Variants in VDAC1 observed in about 807,000 individuals in gnomAD.
VDAC1 encodes non-selective voltage-gated ion channel VDAC1.
A neutral mutation model predicts 34.7 loss-of-function variants in VDAC1; 10 were observed. The ratio of observed to expected loss-of-function variants is 0.29; its 90% CI spans 0.18 to 0.49. VDAC1 has a LOEUF of 0.49. VDAC1 is among the 20% of genes least tolerant of loss of function. The pLI, the probability that VDAC1 is intolerant of heterozygous loss-of-function variation, is 0.99. For synonymous variants in VDAC1, 130 were observed against 136.0 expected (o/e 0.96, Z 0.30); for missense variants, 230 against 347.9 (o/e 0.66, Z 2.69).
At chr5:134,098,707 GC>G in the VDAC1 span, among the ~76,000 whole-genome samples, 1 of 152,220 alleles carries the variant, frequency 6.6e-6, no homozygotes, top group East Asian at 1.9e-4. Context: ...TTTCCTTGGG[GC>G]TGTCTGCAGC....
the VDAC1 span, among the ~76,000 whole-genome samples, chr5:134,109,369 C>T: frequency 6.6e-6 from 1 of 152,180 alleles, no homozygotes. Flanking sequence ...GTGACCCCCA[C>T]ATGAACACCA....
chr5:134,104,099 C>T, the VDAC1 span, among the ~76,000 whole-genome samples: 9 of 152,302 alleles, frequency 5.9e-5, no homozygotes, highest in Middle Eastern at 0.01. Flanking sequence ...TCACTAGGGC[C>T]CAGCCTGCTG....
chr5:134,042,524 C>G, the VDAC1 span, among the ~76,000 whole-genome samples: 3 of 152,044 alleles, frequency 2.0e-5, no homozygotes, highest in African/African-American at 7.2e-5. Context: ...GAGTCTTGCT[C>G]TGTCTCTTAG....
At chr5:134,087,153 G>A in the VDAC1 span, among the ~76,000 whole-genome samples, 1 of 152,220 alleles carries the variant, frequency 6.6e-6, no homozygotes, top group Non-Finnish European at 1.5e-5. Flanking sequence ...CGGTTTCAGA[G>A]GGCGCACACC....
At chr5:134,021,880 T>C in the VDAC1 span, among the ~76,000 whole-genome samples, 2 of 150,692 alleles carry the variant, frequency 1.3e-5, no homozygotes, top group Non-Finnish European at 3.0e-5. Context: ...CCTGTGATTT[T>C]TTTTTTTTTT....
chr5:134,108,959 G>C, the VDAC1 span, among the ~76,000 whole-genome samples: 146 of 152,294 alleles, frequency 9.6e-4, 1 homozygote, highest in Non-Finnish European at 1.3e-3. Flanking sequence ...CTCCCTAACT[G>C]CCATGTTGTG....
the VDAC1 span, among the ~76,000 whole-genome samples, chr5:134,084,459 C>G: frequency 6.6e-6 from 1 of 152,260 alleles, no homozygotes; most frequent in Non-Finnish European, 1.5e-5. Context: ...GAACTTTGGT[C>G]TAAGCAGGTG....
the VDAC1 span, among the ~76,000 whole-genome samples, chr5:134,069,416 G>C: frequency 6.6e-6 from 1 of 152,142 alleles, no homozygotes; most frequent in Admixed American, 6.5e-5. Flanking sequence ...AGGTGGAGCA[G>C]GGCAGGAGGA....
At chr5:134,106,414 C>CTTTTT in the VDAC1 span, among the ~76,000 whole-genome samples, 98,080 of 146,418 alleles carry the variant, frequency 0.67, 33,940 homozygotes, top group Non-Finnish European at 0.77. Flanking sequence ...TTGTCATCCT[C>CTTTTT]TTTTTTTTTT....
intron 5 of VDAC1, among the ~76,000 whole-genome samples, chr5:133,989,821 G>T (rs1042912164): frequency 6.6e-6 from 1 of 152,070 alleles, no homozygotes; most frequent in Admixed American, 6.5e-5. Context: ...CGCCCACCAG[G>T]CGCAGCTAAT....
At chr5:133,997,169 C>T (rs1292487864) in intron 1 of VDAC1, among the ~76,000 whole-genome samples, 1 of 152,146 alleles carries the variant, frequency 6.6e-6, no homozygotes, top group African/African-American at 2.4e-5. Flanking sequence ...GGGAGTACTA[C>T]AGGTACACTC....
chr5:134,097,794 G>A, the VDAC1 span, among the ~76,000 whole-genome samples: 1 of 152,148 alleles, frequency 6.6e-6, no homozygotes, highest in Non-Finnish European at 1.5e-5. Flanking sequence ...GCAGCTCAAG[G>A]TTCTGAAGGT....
intron 2 of VDAC1, 37 bp from the exon 3 acceptor site, chr5:133,992,392 T>C (rs1314379109): frequency 1.3e-6 from 2 of 1,513,670 alleles, no homozygotes; most frequent in East Asian, 2.4e-5. Context: ...ATAGGTTAAA[T>C]AACTAGAGAA....
chr5:134,089,950 C>T, the VDAC1 span, among the ~76,000 whole-genome samples: 1 of 152,030 alleles, frequency 6.6e-6, no homozygotes, highest in African/African-American at 2.4e-5. Context: ...TGAGATCATG[C>T]CATTGCACTC....
the VDAC1 span, among the ~76,000 whole-genome samples, chr5:134,025,335 G>A: frequency 6.6e-6 from 1 of 152,062 alleles, no homozygotes; most frequent in Non-Finnish European, 1.5e-5. Flanking sequence ...CATAGGGAGG[G>A]CACCAAGCCA....
chr5:134,057,850 G>A, the VDAC1 span, among the ~76,000 whole-genome samples: 2 of 152,070 alleles, frequency 1.3e-5, no homozygotes, highest in Non-Finnish European at 2.9e-5. Flanking sequence ...TTTTTTGCCA[G>A]TCTGATGGGC....
the VDAC1 span, among the ~76,000 whole-genome samples, chr5:134,029,189 G>A: frequency 6.6e-6 from 1 of 152,222 alleles, no homozygotes; most frequent in Non-Finnish European, 1.5e-5. Flanking sequence ...CACCTTGGAG[G>A]AGGCTCCTTC....
the VDAC1 span, among the ~76,000 whole-genome samples, chr5:134,045,460 C>T: frequency 1.3e-5 from 2 of 152,300 alleles, no homozygotes; most frequent in African/African-American, 4.8e-5. Flanking sequence ...GAATCATTTC[C>T]TTGCCTTTTC....
chr5:134,104,853 G>A, the VDAC1 span, among the ~76,000 whole-genome samples: 1 of 152,196 alleles, frequency 6.6e-6, no homozygotes, highest in Non-Finnish European at 1.5e-5. Context: ...CACTCACAAC[G>A]GATGCACTCG....
Sources: gnomAD v4.1 joint callset for allele counts (sites outside exome capture counted in the v4.1 genomes callset) on GRCh38, gnomAD v4.1.1 for gene constraint, MANE v1.5 for transcripts, NCBI Gene and HGNC (gene_info 2026-07-23, HGNC 2026-07-21) for gene names.